TAS2R1: variants seen among roughly 807,000 people sequenced by gnomAD.
TAS2R1 encodes taste 2 receptor member 1.
For synonymous variants in TAS2R1, 141 were observed against 134.2 expected (o/e 1.05, Z -0.35); for missense variants, 370 against 353.4 (o/e 1.05, Z -0.38).
the TAS2R1 span, among the ~76,000 whole-genome samples, chr5:9,855,485 G>C: frequency 6.6e-6 from 1 of 152,248 alleles, no homozygotes; most frequent in Non-Finnish European, 1.5e-5. Context: ...GTCAGGCAGA[G>C]AGAGACAGAG....
chr5:9,818,010 C>T, the TAS2R1 span, among the ~76,000 whole-genome samples: 23 of 145,012 alleles, frequency 1.6e-4, no homozygotes, highest in African/African-American at 5.1e-4. Context: ...CATGTCCCTC[C>T]CTCTACACAT....
At chr5:9,878,956 G>A in the TAS2R1 span, among the ~76,000 whole-genome samples, 1 of 152,236 alleles carries the variant, frequency 6.6e-6, no homozygotes, top group African/African-American at 2.4e-5. Context: ...CTGAAGGCCA[G>A]TGAGTGCAGG....
chr5:9,677,640 T>C (rs1740901670), intron 1 of TAS2R1, among the ~76,000 whole-genome samples: 1 of 152,154 alleles, frequency 6.6e-6, no homozygotes. Context: ...ACACACCTAT[T>C]AGAGTGGCAA....
upstream of TAS2R1, chr5:9,630,413 A>G (rs1200980422): frequency 5.7e-6 from 1 of 174,496 alleles, no homozygotes; most frequent in Non-Finnish European, 1.4e-5. Context: ...TGAATAATTG[A>G]TTTTGCCTAC....
intron 1 of TAS2R1, among the ~76,000 whole-genome samples, chr5:9,706,028 C>T (rs115135087): frequency 1.5e-3 from 229 of 152,258 alleles, no homozygotes; most frequent in Non-Finnish European, 1.5e-3. Flanking sequence ...AGCTAGAAGT[C>T]CCTTTGGCCC....
At chr5:9,806,910 T>C in the TAS2R1 span, among the ~76,000 whole-genome samples, 1 of 152,078 alleles carries the variant, frequency 6.6e-6, no homozygotes, top group East Asian at 1.9e-4. Context: ...GGGAATTAAT[T>C]AAACTAAAAA....
the TAS2R1 span, among the ~76,000 whole-genome samples, chr5:9,817,094 T>A: frequency 6.6e-6 from 1 of 152,200 alleles, no homozygotes; most frequent in Non-Finnish European, 1.5e-5. Flanking sequence ...TGATAGGACT[T>A]TGAAGTCTAC....
chr5:9,694,658 C>T (rs1225209675), intron 1 of TAS2R1, among the ~76,000 whole-genome samples: 1 of 152,086 alleles, frequency 6.6e-6, no homozygotes, highest in Non-Finnish European at 1.5e-5. Context: ...TTTAAATCTA[C>T]CGTAACTCAT....
chr5:9,754,390 C>G, the TAS2R1 span, among the ~76,000 whole-genome samples: 8 of 152,192 alleles, frequency 5.3e-5, no homozygotes, highest in Admixed American at 2.0e-4. Flanking sequence ...TCAACATAGT[C>G]TTGGAAGTTC....
the TAS2R1 span, among the ~76,000 whole-genome samples, chr5:9,742,605 A>G: frequency 6.6e-6 from 1 of 152,214 alleles, no homozygotes; most frequent in Non-Finnish European, 1.5e-5. Context: ...GTGAAAAACA[A>G]TCCAAGGTTT....
chr5:9,785,828 C>T, the TAS2R1 span, among the ~76,000 whole-genome samples: 1 of 152,206 alleles, frequency 6.6e-6, no homozygotes, highest in Non-Finnish European at 1.5e-5. Context: ...CCACACCCAT[C>T]ACTCTCTGCC....
intron 2 of TAS2R1, among the ~76,000 whole-genome samples, chr5:9,646,721 G>C (rs1740196799): frequency 6.6e-6 from 1 of 152,102 alleles, no homozygotes; most frequent in Non-Finnish European, 1.5e-5. Flanking sequence ...CCAGCTTCCA[G>C]AAGACCAAAA....
At chr5:9,648,806 G>A (rs529608058) in intron 2 of TAS2R1, among the ~76,000 whole-genome samples, 1 of 152,140 alleles carries the variant, frequency 6.6e-6, no homozygotes, top group Non-Finnish European at 1.5e-5. Flanking sequence ...GCCAAATACA[G>A]CCACAGCAAG....
chr5:9,690,015 C>A (rs962518027), intron 1 of TAS2R1, among the ~76,000 whole-genome samples: 1 of 152,132 alleles, frequency 6.6e-6, no homozygotes, highest in Non-Finnish European at 1.5e-5. Context: ...TAAAATAGTT[C>A]TTTCCCAATT....
At chr5:9,825,386 C>T in the TAS2R1 span, among the ~76,000 whole-genome samples, 926 of 152,244 alleles carry the variant, frequency 6.1e-3, 5 homozygotes, top group African/African-American at 0.021. Context: ...CTTGTGAAAC[C>T]TACTCACTAT....
the TAS2R1 span, chr5:9,765,709 C>T: frequency 6.6e-6 from 1 of 152,222 alleles, no homozygotes; most frequent in Non-Finnish European, 1.5e-5. Flanking sequence ...GGCAGAAACA[C>T]AGGCAAGACA....
chr5:9,678,211 C>A (rs1299465536), intron 1 of TAS2R1, among the ~76,000 whole-genome samples: 1 of 152,000 alleles, frequency 6.6e-6, no homozygotes, highest in Non-Finnish European at 1.5e-5. Context: ...TTAGAGAATG[C>A]AAATCAAAAC....
chr5:9,632,661 C>A (rs1579760489), upstream of TAS2R1, among the ~76,000 whole-genome samples: 1 of 152,226 alleles, frequency 6.6e-6, no homozygotes, highest in South Asian at 2.1e-4. Context: ...TAGTTTCCAT[C>A]TGAAGAAATT....
chr5:9,820,211 T>C, the TAS2R1 span, among the ~76,000 whole-genome samples: 1 of 152,090 alleles, frequency 6.6e-6, no homozygotes, highest in African/African-American at 2.4e-5. Flanking sequence ...GGAAAGGAAG[T>C]CACTAGAAAG....
Sources: gnomAD v4.1 joint callset for allele counts (sites outside exome capture counted in the v4.1 genomes callset) on GRCh38, gnomAD v4.1.1 for gene constraint, MANE v1.5 for transcripts, NCBI Gene and HGNC (gene_info 2026-07-23, HGNC 2026-07-21) for gene names.